The following CNTNAP2 variants were observed in gnomAD, a reference collection of about 807,000 sequenced individuals.
CNTNAP2 encodes contactin associated protein 2, also known as contactin-associated protein-like 2.
Under a neutral mutation model 155.2 loss-of-function variants are expected in CNTNAP2, and 98 were observed. The ratio of observed to expected loss-of-function variants is 0.63; its 90% confidence interval spans 0.54 to 0.75. CNTNAP2 has a LOEUF of 0.75. CNTNAP2 is among the 30% of genes least tolerant of loss of function. The pLI is 0.00. For missense variants in CNTNAP2, 1,727 were observed against 1,688.1 expected (o/e 1.02, Z -0.40); for synonymous variants, 651 against 631.2 (o/e 1.03, Z -0.47).
At chr7:146,254,081 CAAA>C (rs1034722850) in intron 1 of CNTNAP2, among the ~76,000 whole-genome samples, 2 of 150,762 alleles carry the variant, frequency 1.3e-5, no homozygotes, top group Non-Finnish European at 3.0e-5. Context: ...CAGAACAAAA[CAAA>C]AAGCAAAGTC....
chr7:146,710,724 G>A (rs1801052305), intron 1 of CNTNAP2, among the ~76,000 whole-genome samples: 1 of 152,066 alleles, frequency 6.6e-6, no homozygotes, highest in Non-Finnish European at 1.5e-5. Flanking sequence ...ATGTCTCACA[G>A]AGTCAGTGGC....
chr7:147,176,944 TA>T (rs1183891854), intron 8 of CNTNAP2, among the ~76,000 whole-genome samples: 79 of 134,688 alleles, frequency 5.9e-4, no homozygotes, highest in African/African-American at 2.1e-3. Flanking sequence ...AATAGAATTA[TA>T]ATTCTAAATA....
intron 18 of CNTNAP2, among the ~76,000 whole-genome samples, chr7:148,177,472 C>A (rs1794960017): frequency 6.6e-6 from 1 of 152,198 alleles, no homozygotes; most frequent in African/African-American, 2.4e-5. Flanking sequence ...CCTGAGAACA[C>A]CTTGCTTTCA....
chr7:146,615,214 A>G (rs1029944042), intron 1 of CNTNAP2, among the ~76,000 whole-genome samples: 4 of 152,204 alleles, frequency 2.6e-5, no homozygotes, highest in Non-Finnish European at 4.4e-5. Flanking sequence ...AAAAAAATTA[A>G]GTTGCACAGT....
chr7:148,413,401 A>AAAAAAAATATAT (rs1442990213), intron 23 of CNTNAP2, among the ~76,000 whole-genome samples: 12 of 45,362 alleles, frequency 2.6e-4, no homozygotes, highest in African/African-American at 1.5e-3. Context: ...TCAAAAAAAA[A>AAAAAAAATATAT]ATATATATAT....
At chr7:146,347,142 A>T (rs79605892) in intron 1 of CNTNAP2, among the ~76,000 whole-genome samples, 3 of 131,186 alleles carry the variant, frequency 2.3e-5, no homozygotes, top group African/African-American at 1.1e-4. Context: ...ACTCTGTAAA[A>T]AAAAAAAAAA....
intron 15 of CNTNAP2, among the ~76,000 whole-genome samples, chr7:148,097,607 C>T (rs1804001116): frequency 6.6e-6 from 1 of 152,086 alleles, no homozygotes. Context: ...GCCTCAGCCT[C>T]CTGAGTAGCT....
intron 3 of CNTNAP2, among the ~76,000 whole-genome samples, chr7:147,020,642 C>A (rs1049722167): frequency 2.6e-5 from 4 of 152,116 alleles, no homozygotes; most frequent in Admixed American, 6.5e-5. Context: ...AAATTTAGAC[C>A]AATGAAATAA....
intron 1 of CNTNAP2, among the ~76,000 whole-genome samples, chr7:146,640,536 A>G (rs559226215): frequency 2.2e-4 from 33 of 152,322 alleles, no homozygotes; most frequent in African/African-American, 7.5e-4. Flanking sequence ...CAAAATGTAC[A>G]TGAGGAGGGA....
intron 1 of CNTNAP2, among the ~76,000 whole-genome samples, chr7:146,461,416 AT>A (rs200109467): frequency 2.8e-5 from 4 of 142,768 alleles, no homozygotes; most frequent in Admixed American, 6.9e-5. Flanking sequence ...AAAAAAAAAA[AT>A]ATAATAATAA....
In CNTNAP2 at chr7:148,337,322, G is replaced by A. The variant is rs539651527; in HGVS notation, c.3476-46327G>A. On this transcript the variant is annotated intron_variant, in intron 21 of 23. Coordinates refer to ENST00000361727, the MANE Select transcript of CNTNAP2 (RefSeq NM_014141.6). ...CCCTCTTATCCTGATGCCCTGACCC[G>A]CCTGCCCACAAGGAGCCTCCTCCCT... 2.2e-3 allele frequency among the ~76,000 whole-genome samples: 328 copies of A among 151,990 alleles called. 1 individual carries two copies. The highest frequency in any genetic ancestry group is 7.3e-3 in the African/African-American group (304 of 41,440).
intron 19 of CNTNAP2, among the ~76,000 whole-genome samples, chr7:148,223,486 TA>T (rs113952515): frequency 3.4e-4 from 52 of 152,312 alleles, no homozygotes; most frequent in African/African-American, 1.2e-3. Flanking sequence ...AGAAGTCCCT[TA>T]TAACTGCTTT....
intron 1 of CNTNAP2, among the ~76,000 whole-genome samples, chr7:146,698,186 C>T (rs930486314): frequency 2.0e-5 from 3 of 152,000 alleles, no homozygotes; most frequent in African/African-American, 7.2e-5. Flanking sequence ...TTAATTAGAA[C>T]AAATTTTATG....
At chr7:147,663,694 A>G (rs1795651694) in intron 13 of CNTNAP2, among the ~76,000 whole-genome samples, 1 of 152,248 alleles carries the variant, frequency 6.6e-6, no homozygotes, top group Non-Finnish European at 1.5e-5. Context: ...AATTATTACT[A>G]CAAATGCAGT....
chr7:147,594,522 T>G (rs778210077), intron 12 of CNTNAP2, among the ~76,000 whole-genome samples: 8 of 152,196 alleles, frequency 5.3e-5, no homozygotes, highest in Admixed American at 1.3e-4. Flanking sequence ...ATATAAAGAT[T>G]TCTAAGTCAT....
intron 1 of CNTNAP2, among the ~76,000 whole-genome samples, chr7:146,593,085 G>A (rs1798807186): frequency 1.3e-5 from 2 of 151,818 alleles, no homozygotes; most frequent in East Asian, 3.9e-4. Flanking sequence ...CCTTCCACAG[G>A]CCAAAACCTC....
chr7:148,330,486 G>C (rs942689355), intron 21 of CNTNAP2, among the ~76,000 whole-genome samples: 7 of 150,690 alleles, frequency 4.6e-5, no homozygotes, highest in Non-Finnish European at 1.0e-4. Flanking sequence ...GTGGACGGAT[G>C]GAGTGGATGG....
At chr7:147,155,830 T>C (rs575102748) in intron 8 of CNTNAP2, among the ~76,000 whole-genome samples, 1 of 152,210 alleles carries the variant, frequency 6.6e-6, no homozygotes, top group South Asian at 2.1e-4. Flanking sequence ...TTGCCCAGCT[T>C]GTGCTAATAC....
At chr7:146,348,871 A>G (rs1325110091) in intron 1 of CNTNAP2, among the ~76,000 whole-genome samples, 1 of 149,600 alleles carries the variant, frequency 6.7e-6, no homozygotes, top group East Asian at 1.9e-4. Flanking sequence ...ACTATTGTAT[A>G]TAGTGCATAA....
Sources: gnomAD v4.1 joint callset for allele counts (sites outside exome capture counted in the v4.1 genomes callset) on GRCh38, gnomAD v4.1.1 for gene constraint, MANE v1.5 for transcripts, NCBI Gene and HGNC (gene_info 2026-07-23, HGNC 2026-07-21) for gene names.